FYN: variants seen among roughly 807,000 people sequenced by gnomAD.
The protein encoded by FYN is FYN proto-oncogene, Src family tyrosine kinase, also known as tyrosine-protein kinase Fyn.
In FYN, 10 loss-of-function variants were observed where a neutral mutation model predicts 70.2. The ratio of observed to expected loss-of-function variants is 0.14; its 90% confidence interval spans 0.09 to 0.24. FYN has a LOEUF of 0.24. FYN is among the 10% of genes least tolerant of loss of function. FYN has a pLI of 1.00. For missense variants in FYN, 319 were observed against 673.1 expected, an observed-to-expected ratio of 0.47 and a Z score of 5.82; for synonymous variants, 236 against 248.6, an observed-to-expected ratio of 0.95 and a Z score of 0.48.
At chr6:111,747,511 C>A (rs552332384) in intron 3 of FYN, among the ~76,000 whole-genome samples, 7 of 152,312 alleles carry the variant, frequency 4.6e-5, no homozygotes, top group Non-Finnish European at 1.0e-4. Flanking sequence ...CTATGAAAAC[C>A]AGACATGAAC....
chr6:111,792,607 T>C (rs1331648277), intron 2 of FYN, among the ~76,000 whole-genome samples: 1 of 152,236 alleles, frequency 6.6e-6, no homozygotes, highest in Non-Finnish European at 1.5e-5. Context: ...CTTGATATGT[T>C]AAACAGTATT....
chr6:111,807,484 C>T (rs535630736), intron 2 of FYN, among the ~76,000 whole-genome samples: 1 of 152,308 alleles, frequency 6.6e-6, no homozygotes, highest in East Asian at 1.9e-4. Flanking sequence ...AAGGATAGTT[C>T]TTCTTTACAG....
At position 111,870,608 on chromosome 6, in the gene FYN, T is replaced by C. The variant is rs1327195; in HGVS notation, c.-123+2360A>G. On this transcript the variant is annotated intron_variant, in intron 1 of 13. Coordinates refer to ENST00000354650, the MANE Select transcript of FYN (RefSeq NM_002037.5). ...TTCCTTTTATCAATGTGCTGACCAA[T>C]TAATGGTGGAAATAGACTCATGCGA... Among the ~76,000 whole-genome samples the C allele has an allele frequency of 8.2e-3, 1,256 of 152,244 alleles. 68 individuals carry two copies. The highest frequency in any genetic ancestry group is 0.074 in the Admixed American group (1,138 of 15,304).
At chr6:111,723,605 G>T (rs908344922) in intron 3 of FYN, among the ~76,000 whole-genome samples, 2 of 152,184 alleles carry the variant, frequency 1.3e-5, no homozygotes, top group Admixed American at 1.3e-4. Context: ...GGAACTTGTG[G>T]TCTTCTTTCT....
intron 2 of FYN, among the ~76,000 whole-genome samples, chr6:111,791,351 T>C (rs1050068886): frequency 6.6e-6 from 1 of 152,140 alleles, no homozygotes; most frequent in African/African-American, 2.4e-5. Context: ...ATAAAAGTAA[T>C]AAATGCTGGG....
intron 3 of FYN, among the ~76,000 whole-genome samples, chr6:111,728,816 G>A (rs566529213): frequency 2.2e-3 from 334 of 152,222 alleles, no homozygotes; most frequent in Non-Finnish European, 4.1e-3. Context: ...TCATGCTCAA[G>A]TTTTTCTGTG....
At chr6:111,868,519 G>A (rs950838408) in intron 1 of FYN, among the ~76,000 whole-genome samples, 7 of 151,500 alleles carry the variant, frequency 4.6e-5, no homozygotes, top group Admixed American at 1.3e-4. Context: ...TGTCTGAATG[G>A]AAGGAGGGTA....
At chr6:111,781,224 A>G (rs1771159111) in intron 2 of FYN, 1 of 152,102 alleles carries the variant, frequency 6.6e-6, no homozygotes, top group South Asian at 2.1e-4. Flanking sequence ...TGTTATCATC[A>G]TTCTCCCAGT....
intron 4 of FYN, among the ~76,000 whole-genome samples, chr6:111,717,519 T>TG: frequency 6.6e-6 from 1 of 152,024 alleles, no homozygotes; most frequent in Non-Finnish European, 1.5e-5. Flanking sequence ...TGGAGTGCAA[T>TG]GGCGTGATCT....
At chr6:111,825,766 T>C (rs886852311) in intron 2 of FYN, among the ~76,000 whole-genome samples, 5 of 152,014 alleles carry the variant, frequency 3.3e-5, no homozygotes, top group African/African-American at 4.8e-5. Flanking sequence ...TAGGAAAGGC[T>C]TGGGGGCTCA....
intron 2 of FYN, among the ~76,000 whole-genome samples, chr6:111,802,457 G>C (rs12212585): frequency 6.6e-6 from 1 of 151,224 alleles, no homozygotes; most frequent in Non-Finnish European, 1.5e-5. Context: ...CTTTGAGACA[G>C]AGTCTCGCTC....
intron 3 of FYN, among the ~76,000 whole-genome samples, chr6:111,734,030 T>C (rs890077443): frequency 5.9e-5 from 9 of 152,106 alleles, no homozygotes; most frequent in African/African-American, 2.2e-4. Context: ...GAAGTTGCAA[T>C]GAGCCATGTT....
chr6:111,681,545 C>T (rs892634939), intron 12 of FYN, among the ~76,000 whole-genome samples: 8 of 152,172 alleles, frequency 5.3e-5, no homozygotes, highest in Admixed American at 6.5e-5. Context: ...AGCATGCTCA[C>T]ACTTGTTTCT....
rs7757969 is a variant in FYN, at chr6:111,810,829, T to G, written c.-81-30194A>C. On this transcript the variant is annotated intron_variant, in intron 2 of 13. Coordinates refer to ENST00000354650, the MANE Select transcript of FYN (RefSeq NM_002037.5). The stretch of plus-strand genomic sequence containing the variant: ...AACAAAGCATTCTGTCCTTCTGAAC[T>G]CTTCCTTACACTCGCGCTTTGCTAA... Among the ~76,000 whole-genome samples, 33 of 152,070 alleles carry G rather than the reference T, an allele frequency of 2.2e-4. 1 individual carries two copies. Among genetic ancestry groups the G allele is most frequent in the African/African-American group, 7.5e-4 (31 of 41,378 alleles).
chr6:111,788,561 A>G (rs1424421989), intron 2 of FYN, among the ~76,000 whole-genome samples: 1 of 152,176 alleles, frequency 6.6e-6, no homozygotes, highest in Non-Finnish European at 1.5e-5. Context: ...CTCCCCTCCA[A>G]AGCTCTCTGT....
chr6:111,780,263 T>G (rs1448407579), intron 3 of FYN, among the ~76,000 whole-genome samples: 29 of 152,250 alleles, frequency 1.9e-4, no homozygotes, highest in Non-Finnish European at 1.5e-4. Context: ...ATTACTCTTA[T>G]ATTATATGGC....
intron 1 of FYN, among the ~76,000 whole-genome samples, chr6:111,857,555 T>A (rs948222792): frequency 6.6e-6 from 1 of 152,374 alleles, no homozygotes; most frequent in South Asian, 2.1e-4. Context: ...TAAAAAAGTT[T>A]AAGCAGTTAA....
rs113715522 is a variant in FYN, at chr6:111,693,887, T to A, written c.1273+488A>T. Among the ~76,000 whole-genome samples the A allele has an allele frequency of 6.4e-4, 98 of 152,270 alleles. 1 individual carries two copies. The highest frequency in any genetic ancestry group is 2.3e-3 in the African/African-American group (96 of 41,550). Reference sequence around the variant, plus strand: ...TACTGAGGAGGCCCTCTCTGTGCAGTGGCCCATTCTGACTTCTTGTGCCCA... The same window carrying A: ...TACTGAGGAGGCCCTCTCTGTGCAGAGGCCCATTCTGACTTCTTGTGCCCA... On this transcript the variant is annotated intron_variant, in intron 12 of 13. Transcript: ENST00000354650.
chr6:111,743,268 A>C lies in FYN; in HGVS notation c.-11-23206T>G, dbSNP rs140496078. Among the ~76,000 whole-genome samples, 213 of 152,268 alleles carry C rather than the reference A, an allele frequency of 1.4e-3. 1 individual carries two copies. Among genetic ancestry groups the C allele is most frequent in the African/African-American group, 5.1e-3 (211 of 41,566 alleles). Reference sequence around the variant, plus strand: ...GCGTGAGCCACCGCGCCTGGCCAAGAATCTTTTACATCGTAGTTTTGATCA... The same window carrying C: ...GCGTGAGCCACCGCGCCTGGCCAAGCATCTTTTACATCGTAGTTTTGATCA... On this transcript the variant is annotated intron_variant, in intron 3 of 13. Coordinates refer to ENST00000354650, the MANE Select transcript of FYN (RefSeq NM_002037.5).
Sources: gnomAD v4.1 joint callset for allele counts (sites outside exome capture counted in the v4.1 genomes callset) on GRCh38, gnomAD v4.1.1 for gene constraint, MANE v1.5 for transcripts, NCBI Gene and HGNC (gene_info 2026-07-23, HGNC 2026-07-21) for gene names.